The following AGBL4 variants were observed in gnomAD, a reference collection of about 807,000 sequenced individuals.
The protein encoded by AGBL4 is AGBL carboxypeptidase 4.
A neutral mutation model predicts 66.4 loss-of-function variants in AGBL4; 58 were observed. The observed-to-expected ratio is 0.87, with a 90% CI of 0.71 to 1.09. AGBL4 has a LOEUF of 1.09. Among genes scored for constraint, AGBL4 ranks in the 50% least tolerant of loss-of-function variants. The probability of loss-of-function intolerance (pLI) is 0.00; values close to 1 mark genes in which losing one functional copy is unlikely to be tolerated. For missense variants in AGBL4, 579 were observed against 631.0 expected (o/e 0.92, Z 0.88); for synonymous variants, 234 against 222.9 (o/e 1.05, Z -0.44).
At chr1:49,243,296 A>G (rs1487773245) in intron 4 of AGBL4, among the ~76,000 whole-genome samples, 1 of 151,766 alleles carries the variant, frequency 6.6e-6, no homozygotes, top group Non-Finnish European at 1.5e-5. Context: ...TTTGAGATCT[A>G]CGAGGTATTT....
At chr1:48,559,312 G>A (rs1042023603) in intron 11 of AGBL4, among the ~76,000 whole-genome samples, 10 of 152,162 alleles carry the variant, frequency 6.6e-5, no homozygotes, top group African/African-American at 2.4e-4. Flanking sequence ...TTAGCCCACA[G>A]TTAGTACCTG....
chr1:49,731,333 C>T (rs1171881517), intron 2 of AGBL4, among the ~76,000 whole-genome samples: 5 of 152,164 alleles, frequency 3.3e-5, no homozygotes, highest in Non-Finnish European at 5.9e-5. Flanking sequence ...CCCTCATGCC[C>T]TTGTGAACAG....
intron 3 of AGBL4, among the ~76,000 whole-genome samples, chr1:49,572,979 G>C (rs2148872774): frequency 6.6e-6 from 1 of 152,224 alleles, no homozygotes; most frequent in East Asian, 1.9e-4. Flanking sequence ...CCATGCTGGA[G>C]GCTTCTTGCC....
chr1:48,706,364 T>C (rs1646880282), intron 6 of AGBL4, among the ~76,000 whole-genome samples: 1 of 152,108 alleles, frequency 6.6e-6, no homozygotes, highest in South Asian at 2.1e-4. Flanking sequence ...TTCCAAATGA[T>C]AAAAAGATAT....
At chr1:48,764,931 T>TA (rs1364117383) in intron 6 of AGBL4, among the ~76,000 whole-genome samples, 1 of 152,156 alleles carries the variant, frequency 6.6e-6, no homozygotes, top group Admixed American at 6.5e-5. Context: ...GAGACCTGCT[T>TA]AGCTGCCTAA....
chr1:48,945,893 T>G (rs1218789848), intron 5 of AGBL4, among the ~76,000 whole-genome samples: 1 of 152,174 alleles, frequency 6.6e-6, no homozygotes, highest in Non-Finnish European at 1.5e-5. Context: ...ATCTGAAAAA[T>G]GGGCATTATG....
At chr1:49,936,305 C>T (rs534901527) in intron 1 of AGBL4, among the ~76,000 whole-genome samples, 19 of 152,114 alleles carry the variant, frequency 1.2e-4, no homozygotes, top group African/African-American at 2.6e-4. Flanking sequence ...TAAAAAGAAA[C>T]GAACAAAGCC....
At chr1:49,839,459 T>C (rs1645934188) in intron 2 of AGBL4, among the ~76,000 whole-genome samples, 1 of 152,204 alleles carries the variant, frequency 6.6e-6, no homozygotes, top group South Asian at 2.1e-4. Context: ...TAAGGTGGCA[T>C]GTTCTGGCAT....
At chr1:48,975,137 G>A (rs753733561) in intron 5 of AGBL4, among the ~76,000 whole-genome samples, 2 of 152,124 alleles carry the variant, frequency 1.3e-5, no homozygotes, top group Non-Finnish European at 2.9e-5. Context: ...ATTTAAAAAT[G>A]TCTAGGGGTC....
intron 3 of AGBL4, among the ~76,000 whole-genome samples, chr1:49,639,152 C>A (rs192099314): frequency 6.6e-6 from 1 of 152,250 alleles, no homozygotes; most frequent in African/African-American, 2.4e-5. Flanking sequence ...ACCTAGAAAT[C>A]TGCCAGAATA....
intron 4 of AGBL4, among the ~76,000 whole-genome samples, chr1:49,240,913 G>A (rs905790913): frequency 6.6e-6 from 1 of 151,698 alleles, no homozygotes; most frequent in Non-Finnish European, 1.5e-5. Flanking sequence ...CTCCTCCTAT[G>A]GTCCCTATCT....
chr1:49,045,893 G>A, intron 4 of AGBL4, 93 bp from the exon 5 acceptor site: 1 of 1,050,460 alleles, frequency 9.5e-7, no homozygotes, highest in Non-Finnish European at 1.4e-6. Flanking sequence ...GAGAAAAACT[G>A]TAACATCAAG....
chr1:49,875,349 T>C (rs1646965546), intron 1 of AGBL4, among the ~76,000 whole-genome samples: 1 of 113,442 alleles, frequency 8.8e-6, no homozygotes, highest in African/African-American at 3.4e-5. Flanking sequence ...ATATTCCCCT[T>C]CCTGTGTCCA....
chr1:48,878,821 T>A (rs991424675), intron 5 of AGBL4, among the ~76,000 whole-genome samples: 3 of 152,184 alleles, frequency 2.0e-5, no homozygotes. Context: ...GATGCAACAT[T>A]AATCTGTATT....
chr1:49,780,667 C>A (rs944336493), intron 2 of AGBL4, among the ~76,000 whole-genome samples: 1 of 151,740 alleles, frequency 6.6e-6, no homozygotes, highest in Non-Finnish European at 1.5e-5. Flanking sequence ...TAAATATGAA[C>A]TAAATTCTGA....
Position 49,170,377 on chromosome 1 carries a change from GAGTA to G in AGBL4, c.377+75389_377+75392del, listed in dbSNP as rs1044169346. On this transcript the variant is annotated intron_variant, in intron 4 of 13. Transcript: ENST00000371839. ...TATTTTGTCTCACTCTTGGTTCCAT[GAGTA>G]AGTTATTGTATATTTATATAATATA... Among the ~76,000 whole-genome samples, 230 of 141,122 alleles carry G rather than the reference GAGTA, an allele frequency of 1.6e-3. 2 individuals carry two copies. Among genetic ancestry groups the G allele is most frequent in the Non-Finnish European group, 2.3e-3 (153 of 65,790 alleles). The allele number at this position is 141,122 out of a possible 152,430, so 92.6% of individuals were successfully genotyped here. A position where few individuals can be genotyped will look rare whatever the true frequency, so the allele number is the denominator to read the frequency against.
chr1:49,897,482 C>T (rs1649336851), intron 1 of AGBL4, among the ~76,000 whole-genome samples: 1 of 151,838 alleles, frequency 6.6e-6, no homozygotes, highest in African/African-American at 2.4e-5. Context: ...AAAAATATTA[C>T]AAGTTCATGC....
At chr1:48,644,569 G>C (rs1471591527) in intron 8 of AGBL4, among the ~76,000 whole-genome samples, 1 of 152,172 alleles carries the variant, frequency 6.6e-6, no homozygotes, top group Non-Finnish European at 1.5e-5. Context: ...AGAGAGGGAA[G>C]AAACAGTTAA....
intron 4 of AGBL4, among the ~76,000 whole-genome samples, chr1:49,048,043 T>TTCC (rs1424332128): frequency 6.6e-6 from 1 of 152,032 alleles, no homozygotes; most frequent in Non-Finnish European, 1.5e-5. Flanking sequence ...AGTCCCAGGG[T>TTCC]TCCCGATTTG....
Sources: gnomAD v4.1 joint callset for allele counts (sites outside exome capture counted in the v4.1 genomes callset) on GRCh38, gnomAD v4.1.1 for gene constraint, MANE v1.5 for transcripts, NCBI Gene and HGNC (gene_info 2026-07-23, HGNC 2026-07-21) for gene names.